Variants in SEMA3A observed in about 807,000 individuals in gnomAD.
SEMA3A encodes semaphorin-3A.
In SEMA3A, 29 loss-of-function variants were observed where a neutral mutation model predicts 97.9. That is an observed-to-expected ratio of 0.30 (90% confidence interval 0.22 to 0.40). SEMA3A has a LOEUF of 0.40. Ranked by LOEUF, SEMA3A falls within the 10% of genes least tolerant of loss-of-function variation. The pLI, the probability that SEMA3A is intolerant of heterozygous loss-of-function variation, is 1.00. For missense variants in SEMA3A, 763 were observed against 951.3 expected, an observed-to-expected ratio of 0.80 and a Z score of 2.60; for synonymous variants, 321 against 323.7, an observed-to-expected ratio of 0.99 and a Z score of 0.09.
intron 3 of SEMA3A, among the ~76,000 whole-genome samples, chr7:84,282,148 T>C (rs569183895): frequency 6.6e-6 from 1 of 152,290 alleles, no homozygotes; most frequent in Non-Finnish European, 1.5e-5. Flanking sequence ...ACATCATCCT[T>C]TTTGGAACCA....
At chr7:84,347,648 G>T (rs1378310592) in intron 2 of SEMA3A, among the ~76,000 whole-genome samples, 1 of 152,012 alleles carries the variant, frequency 6.6e-6, no homozygotes, top group African/African-American at 2.4e-5. Flanking sequence ...TTGACCTCGT[G>T]ATCCGCCCAC....
intron 4 of SEMA3A, among the ~76,000 whole-genome samples, chr7:84,081,385 G>A (rs1052167988): frequency 1.3e-5 from 2 of 152,110 alleles, no homozygotes; most frequent in African/African-American, 2.4e-5. Context: ...GAGGTCAGGA[G>A]ATCAAGACCA....
chr7:84,358,084 G>T (rs1802614630), intron 2 of SEMA3A, among the ~76,000 whole-genome samples: 1 of 152,144 alleles, frequency 6.6e-6, no homozygotes, highest in Admixed American at 6.6e-5. Context: ...CATTCTGTAG[G>T]TTGCCTGTTC....
chr7:84,166,740 T>C (rs1797221735), intron 1 of SEMA3A, among the ~76,000 whole-genome samples: 2 of 151,260 alleles, frequency 1.3e-5, no homozygotes, highest in South Asian at 4.2e-4. Context: ...CTGGGCGCGG[T>C]GGCAGGCACC....
intron 1 of SEMA3A, among the ~76,000 whole-genome samples, chr7:84,457,856 A>G (rs966458729): frequency 6.6e-6 from 1 of 152,046 alleles, no homozygotes; most frequent in South Asian, 2.1e-4. Context: ...TTATGTAGCT[A>G]TGAAAACAAG....
intron 1 of SEMA3A, chr7:84,372,292 G>A (rs1802994513): frequency 6.6e-6 from 1 of 152,066 alleles, no homozygotes; most frequent in African/African-American, 2.4e-5. Flanking sequence ...CTGGGGCTGT[G>A]ACTCCCTCCT....
intron 1 of SEMA3A, among the ~76,000 whole-genome samples, chr7:84,143,032 T>A (rs1796342707): frequency 6.6e-6 from 1 of 152,150 alleles, no homozygotes; most frequent in Admixed American, 6.6e-5. Context: ...CACAATAATT[T>A]GCCCTGTATT....
chr7:84,246,472 T>A (rs1799479292), intron 3 of SEMA3A, among the ~76,000 whole-genome samples: 1 of 152,076 alleles, frequency 6.6e-6, no homozygotes, highest in Non-Finnish European at 1.5e-5. Flanking sequence ...TTTCAATATA[T>A]AAAAAATGAC....
chr7:84,049,657 G>T (rs1473480234), intron 5 of SEMA3A, among the ~76,000 whole-genome samples: 17 of 150,994 alleles, frequency 1.1e-4, no homozygotes, highest in African/African-American at 4.1e-4. Flanking sequence ...TTCTTTTGTG[G>T]TTTCTAGGCC....
chr7:84,352,936 T>A (rs1802470134), intron 2 of SEMA3A, among the ~76,000 whole-genome samples: 1 of 151,788 alleles, frequency 6.6e-6, no homozygotes, highest in Non-Finnish European at 1.5e-5. Context: ...AAGATAAGTA[T>A]CAAATTAATC....
chr7:84,472,365 A>C (rs956223223), intron 1 of SEMA3A, among the ~76,000 whole-genome samples: 2 of 152,168 alleles, frequency 1.3e-5, no homozygotes. Flanking sequence ...GCTGAGGTAA[A>C]GATGTAGATC....
At chr7:84,282,692 C>G (rs1382301859) in intron 3 of SEMA3A, among the ~76,000 whole-genome samples, 1 of 151,940 alleles carries the variant, frequency 6.6e-6, no homozygotes, top group African/African-American at 2.4e-5. Flanking sequence ...AAAACCCCAC[C>G]AAAACTAAAC....
chr7:84,169,407 T>A (rs1400844959), intron 1 of SEMA3A, among the ~76,000 whole-genome samples: 1 of 150,772 alleles, frequency 6.6e-6, no homozygotes, highest in Non-Finnish European at 1.5e-5. Flanking sequence ...ATAGTGTAGA[T>A]AATCATTTAT....
chr7:84,340,702 C>T (rs971903238), intron 2 of SEMA3A, among the ~76,000 whole-genome samples: 2 of 151,062 alleles, frequency 1.3e-5, no homozygotes, highest in Non-Finnish European at 2.9e-5. Flanking sequence ...ATGGCTTGAA[C>T]CCAGGAGGCA....
intron 1 of SEMA3A, among the ~76,000 whole-genome samples, chr7:84,451,552 A>AGAT (rs1373248818): frequency 1.3e-5 from 2 of 152,238 alleles, no homozygotes; most frequent in African/African-American, 4.8e-5. Context: ...GTATGACAAT[A>AGAT]GATAGAAATT....
At position 84,260,796 on chromosome 7, in the gene SEMA3A, G is replaced by A. The variant is rs77608331; in HGVS notation, c.-83+46411C>T. On this transcript the variant is annotated intron_variant, in intron 3 of 3. Transcript: ENST00000424555. ...TCAGCATGAACAGCCTGTGCGTCAT[G>A]GATGATATGTTGATGGCAGCAGAAG... Among the ~76,000 whole-genome samples, 1,943 of 152,248 alleles carry A rather than the reference G, an allele frequency of 0.013. 64 individuals carry two copies. In the East Asian group the frequency reaches 0.15, roughly 11 times the overall value.
At chr7:84,156,142 A>C (rs916062817) in intron 1 of SEMA3A, among the ~76,000 whole-genome samples, 2 of 152,056 alleles carry the variant, frequency 1.3e-5, no homozygotes, top group African/African-American at 4.8e-5. Flanking sequence ...TTTTCATATC[A>C]TCCTTTAAAA....
Position 84,011,212 on chromosome 7 carries a change from T to C in SEMA3A, c.896A>G (p.Asn299Ser). 1 of 1,613,456 alleles carries C rather than the reference T, an allele frequency of 6.2e-7. No individual in the cohort carries two copies. The highest frequency in any genetic ancestry group is 8.5e-7 in the Non-Finnish European group (1 of 1,179,396). ...TTCATCAAAATGAGTGTCAATGCCA[T>C]TTGGACCTGGCACTGAGCAAATCAG... ...ARLICSVPGP[N>S]GIDTHFDELQ... Residue 299 changes from asparagine to serine, a missense_variant, in exon 8 of 17, where the codon AAT (asparagine) becomes AGT (serine). Physicochemically the swap from Asn to Ser is conservative, Grantham distance 46. Coordinates refer to ENST00000265362, the MANE Select transcript of SEMA3A (RefSeq NM_006080.3).
chr7:84,268,249 ATGTGTGTGTGTGTG>A (rs66460940), intron 3 of SEMA3A, among the ~76,000 whole-genome samples: 35 of 131,036 alleles, frequency 2.7e-4, no homozygotes, highest in East Asian at 6.9e-4. Flanking sequence ...AGACATAAGC[ATGTGTGTGTGTGTG>A]TGTGTGTGTG....
Sources: gnomAD v4.1 joint callset for allele counts (sites outside exome capture counted in the v4.1 genomes callset) on GRCh38, gnomAD v4.1.1 for gene constraint, MANE v1.5 for transcripts, NCBI Gene and HGNC (gene_info 2026-07-23, HGNC 2026-07-21) for gene names.